Variants in PAPPA2 observed in about 807,000 individuals in gnomAD.
The protein encoded by PAPPA2 is pappalysin 2, also known as pappalysin-2.
Under a neutral mutation model 176.4 loss-of-function variants are expected in PAPPA2, and 86 were observed. The observed-to-expected ratio is 0.49, with a 90% CI of 0.41 to 0.58. PAPPA2 has a LOEUF of 0.58. PAPPA2 is among the 20% of genes least tolerant of loss of function. PAPPA2 has a pLI of 0.00. For missense variants in PAPPA2, 2,073 were observed against 2,256.9 expected (o/e 0.92, Z 1.65); for synonymous variants, 809 against 852.2 (o/e 0.95, Z 0.88).
chr1:176,472,435 CT>C (rs1433985646), intron 1 of PAPPA2, among the ~76,000 whole-genome samples: 1 of 152,102 alleles, frequency 6.6e-6, no homozygotes, highest in Non-Finnish European at 1.5e-5. Flanking sequence ...TCCTAGTAGT[CT>C]TTAATAGCTT....
intron 3 of PAPPA2, among the ~76,000 whole-genome samples, chr1:176,631,798 A>G (rs548900744): frequency 8.0e-4 from 122 of 152,318 alleles, no homozygotes; most frequent in Non-Finnish European, 1.5e-3. Flanking sequence ...CTGAAAGCTA[A>G]GGGTAAAGGC....
At chr1:176,760,654 A>G (rs967377205) in intron 14 of PAPPA2, among the ~76,000 whole-genome samples, 6 of 152,200 alleles carry the variant, frequency 3.9e-5, no homozygotes, top group African/African-American at 1.2e-4. Flanking sequence ...TATCATTCAC[A>G]TACACAACCA....
intron 2 of PAPPA2, among the ~76,000 whole-genome samples, chr1:176,571,963 C>G (rs192792651): frequency 6.6e-6 from 1 of 152,288 alleles, no homozygotes; most frequent in Non-Finnish European, 1.5e-5. Flanking sequence ...TAAAGCCCTT[C>G]GAGATAAACC....
In PAPPA2 at chr1:176,650,351, CT is replaced by C. The variant is rs201127455; in HGVS notation, c.1992-20609del. Among the ~76,000 whole-genome samples, 28 of 145,424 alleles carry C rather than the reference CT, an allele frequency of 1.9e-4. No individual in the cohort carries two copies. The East Asian group carries it at 2.0e-3, about 10-fold the overall frequency. On this transcript the variant is annotated intron_variant, in intron 3 of 22. Coordinates refer to ENST00000367662, the MANE Select transcript of PAPPA2 (RefSeq NM_020318.3). ...GTTTCTTTGTTCAGCCACTGTATGTCTTTTTTTTTTCCATTTTCAGTCAAGA... is the reference window on the plus strand; with the variant it reads ...GTTTCTTTGTTCAGCCACTGTATGTCTTTTTTTTTCCATTTTCAGTCAAGA...
chr1:176,479,270 C>T (rs1454521829), intron 1 of PAPPA2, among the ~76,000 whole-genome samples: 1 of 152,122 alleles, frequency 6.6e-6, no homozygotes, highest in Non-Finnish European at 1.5e-5. Context: ...GCGTTAGAAC[C>T]ATCTCTTTTG....
chr1:176,614,034 G>A (rs1161162090), intron 3 of PAPPA2, among the ~76,000 whole-genome samples: 2 of 152,160 alleles, frequency 1.3e-5, no homozygotes, highest in Non-Finnish European at 2.9e-5. Flanking sequence ...TGGGAAATAA[G>A]GAAAAACTCC....
At chr1:176,838,733 T>G (rs1054392676) in intron 21 of PAPPA2, among the ~76,000 whole-genome samples, 1 of 152,224 alleles carries the variant, frequency 6.6e-6, no homozygotes, top group African/African-American at 2.4e-5. Flanking sequence ...TTGTCTTTTA[T>G]CCCAGTGAGG....
chr1:176,793,211 G>T (rs941169886), intron 19 of PAPPA2, among the ~76,000 whole-genome samples: 2 of 152,168 alleles, frequency 1.3e-5, no homozygotes, highest in Non-Finnish European at 2.9e-5. Context: ...TGTCTAGCTA[G>T]AGTCCTGGAG....
chr1:176,647,944 T>A (rs916455523), intron 3 of PAPPA2, among the ~76,000 whole-genome samples: 1 of 151,690 alleles, frequency 6.6e-6, no homozygotes, highest in Non-Finnish European at 1.5e-5. Context: ...AGGTTCCATA[T>A]AAATTTCAGG....
At chr1:176,638,862 G>A (rs1656885557) in intron 3 of PAPPA2, among the ~76,000 whole-genome samples, 1 of 151,730 alleles carries the variant, frequency 6.6e-6, no homozygotes, top group Admixed American at 6.6e-5. Flanking sequence ...CCCTGATCTG[G>A]AACATCCAAT....
chr1:176,777,299 G>A (rs1453080098), intron 17 of PAPPA2, among the ~76,000 whole-genome samples: 1 of 152,126 alleles, frequency 6.6e-6, no homozygotes, highest in Admixed American at 6.6e-5. Flanking sequence ...AGTATTTAGG[G>A]CACTGTTAGA....
chr1:176,507,621 G>A (rs755726242), intron 1 of PAPPA2, among the ~76,000 whole-genome samples: 16 of 152,026 alleles, frequency 1.1e-4, no homozygotes, highest in Non-Finnish European at 1.9e-4. Flanking sequence ...GAATGAAATC[G>A]TGTCTTTTGC....
chr1:176,545,459 T>TA (rs1650583686), intron 1 of PAPPA2, among the ~76,000 whole-genome samples: 2 of 148,220 alleles, frequency 1.3e-5, no homozygotes, highest in African/African-American at 2.5e-5. Flanking sequence ...AATAAATAAA[T>TA]AATACACCTG....
At chr1:176,628,969 T>G (rs1464580125) in intron 3 of PAPPA2, among the ~76,000 whole-genome samples, 1 of 152,206 alleles carries the variant, frequency 6.6e-6, no homozygotes, top group African/African-American at 2.4e-5. Context: ...ACTTAAGGCC[T>G]TCACCGGCAA....
At chr1:176,691,754 T>A (rs552151019) in intron 5 of PAPPA2, among the ~76,000 whole-genome samples, 2 of 152,308 alleles carry the variant, frequency 1.3e-5, no homozygotes, top group African/African-American at 4.8e-5. Flanking sequence ...CCAACGTCAC[T>A]GGGCAATAAA....
chr1:176,830,164 T>G (rs1026706843), intron 21 of PAPPA2, among the ~76,000 whole-genome samples: 4 of 152,110 alleles, frequency 2.6e-5, no homozygotes, highest in Non-Finnish European at 5.9e-5. Flanking sequence ...AGCCCAAGGG[T>G]TTGAGACCAG....
chr1:176,658,578 G>A (rs534351032), intron 3 of PAPPA2, among the ~76,000 whole-genome samples: 34 of 152,062 alleles, frequency 2.2e-4, no homozygotes, highest in Middle Eastern at 3.4e-3. Context: ...AGGCCTCATG[G>A]AAGAGGTGTT....
At chr1:176,823,122 C>G (rs1571380016) in intron 21 of PAPPA2, among the ~76,000 whole-genome samples, 1 of 152,174 alleles carries the variant, frequency 6.6e-6, no homozygotes, top group African/African-American at 2.4e-5. Context: ...CATAATTTTT[C>G]CAGCCTCCTG....
At chr1:176,817,681 TAACTCCC>T (rs1666461733) in intron 21 of PAPPA2, among the ~76,000 whole-genome samples, 2 of 151,658 alleles carry the variant, frequency 1.3e-5, no homozygotes, top group Non-Finnish European at 2.9e-5. Context: ...GTTCTGAATC[TAACTCCC>T]TGGTGCTTGG....
Sources: allele counts gnomAD v4.1 joint callset (sites outside exome capture counted in the v4.1 genomes callset), GRCh38; gene constraint gnomAD v4.1.1; transcripts MANE v1.5; gene names NCBI Gene and HGNC (gene_info 2026-07-23, HGNC 2026-07-21).